Variants in DIAPH3 observed in about 807,000 individuals in gnomAD.
The protein encoded by DIAPH3 is diaphanous related formin 3.
Under a neutral mutation model 144.3 loss-of-function variants are expected in DIAPH3, and 117 were observed. The ratio of observed to expected loss-of-function variants is 0.81; its 90% CI spans 0.70 to 0.95. The LOEUF is 0.95. Ranked by LOEUF, DIAPH3 falls within the 40% of genes least tolerant of loss-of-function variation. The pLI, the probability that DIAPH3 is intolerant of heterozygous loss-of-function variation, is 0.00. For synonymous variants in DIAPH3, 519 were observed against 488.9 expected (o/e 1.06, Z -0.81); for missense variants, 1,421 against 1,412.7 (o/e 1.01, Z -0.09).
intron 21 of DIAPH3, among the ~76,000 whole-genome samples, chr13:59,872,099 G>C (rs988132502): frequency 2.0e-5 from 3 of 151,926 alleles, no homozygotes; most frequent in African/African-American, 4.8e-5. Context: ...GTATATATTA[G>C]TTCTTTGTCT....
intron 5 of DIAPH3, among the ~76,000 whole-genome samples, chr13:60,018,547 T>A (rs2141004643): frequency 6.6e-6 from 1 of 152,276 alleles, no homozygotes; most frequent in African/African-American, 2.4e-5. Flanking sequence ...ACTATATAAC[T>A]CTCTTCTAAA....
At chr13:59,829,042 A>G (rs1243852306) in intron 24 of DIAPH3, among the ~76,000 whole-genome samples, 1 of 151,960 alleles carries the variant, frequency 6.6e-6, no homozygotes, top group East Asian at 1.9e-4. Flanking sequence ...TTCCTTCTTT[A>G]GCTATTGTAA....
Position 60,125,394 on chromosome 13 carries a change from A to ATTTTTTTTTTTTTTTTTTTT in DIAPH3, c.213+7543_213+7562dup, listed in dbSNP as rs56267083. Among the ~76,000 whole-genome samples the ATTTTTTTTTTTTTTTTTTTT allele has an allele frequency of 2.4e-4, 23 of 97,866 alleles. 1 individual carries two copies. Among genetic ancestry groups the ATTTTTTTTTTTTTTTTTTTT allele is most frequent in the South Asian group, 1.4e-3 (4 of 2,876 alleles). 64.2% of individuals were successfully genotyped at this position (97,866 alleles called of 152,430 possible). Reference sequence around the variant, plus strand: ...ATCTGCATACCATCACACCCAGCTAATTTTTTTTTTTTTTTTTTTTTTTTT... The same window carrying ATTTTTTTTTTTTTTTTTTTT: ...ATCTGCATACCATCACACCCAGCTAATTTTTTTTTTTTTTTTTTTTTTTTTTTTTTTTTTTTTTTTTTTTT... On this transcript the variant is annotated intron_variant, in intron 2 of 27. Transcript: ENST00000400324.
chr13:60,106,405 TA>T (rs2058422884), intron 3 of DIAPH3, among the ~76,000 whole-genome samples: 1 of 152,108 alleles, frequency 6.6e-6, no homozygotes, highest in Non-Finnish European at 1.5e-5. Context: ...ACATCAGGCA[TA>T]GAGATATATA....
chr13:60,022,760 G>A (rs1425997979), intron 5 of DIAPH3, among the ~76,000 whole-genome samples: 1 of 152,166 alleles, frequency 6.6e-6, no homozygotes, highest in Non-Finnish European at 1.5e-5. Flanking sequence ...TCTGCAGAGT[G>A]TTAAGAATGT....
chr13:60,038,395 T>C (rs2055384426), intron 5 of DIAPH3, among the ~76,000 whole-genome samples: 1 of 152,066 alleles, frequency 6.6e-6, no homozygotes, highest in South Asian at 2.1e-4. Context: ...TTGTCACAAG[T>C]TTTTCTGTCT....
At chr13:60,119,386 G>A (rs1409217078) in intron 2 of DIAPH3, among the ~76,000 whole-genome samples, 1 of 152,086 alleles carries the variant, frequency 6.6e-6, no homozygotes, top group Non-Finnish European at 1.5e-5. Flanking sequence ...CAAACTCAAG[G>A]CAGAACCCAA....
intron 27 of DIAPH3, among the ~76,000 whole-genome samples, chr13:59,679,897 T>C (rs894905148): frequency 1.3e-5 from 2 of 152,212 alleles, no homozygotes; most frequent in East Asian, 1.9e-4. Flanking sequence ...AATATGTTAC[T>C]ATCAAATGGC....
intron 20 of DIAPH3, among the ~76,000 whole-genome samples, chr13:59,899,402 G>C (rs1309951221): frequency 6.6e-6 from 1 of 152,118 alleles, no homozygotes; most frequent in African/African-American, 2.4e-5. Context: ...TTCCACAAAG[G>C]ACCTGTGAAA....
At chr13:60,078,367 G>T (rs1402930805) in intron 4 of DIAPH3, among the ~76,000 whole-genome samples, 1 of 151,978 alleles carries the variant, frequency 6.6e-6, no homozygotes, top group Non-Finnish European at 1.5e-5. Context: ...AAGAAGGGCG[G>T]AACTAGTACA....
At chr13:59,669,637 CCTCT>C (rs1489124898) in intron 27 of DIAPH3, among the ~76,000 whole-genome samples, 4 of 152,110 alleles carry the variant, frequency 2.6e-5, no homozygotes, top group Non-Finnish European at 1.5e-5. Flanking sequence ...GCTGCTTTGC[CCTCT>C]CTCTGCTGCA....
At chr13:59,673,080 G>C (rs1351170532) in intron 27 of DIAPH3, among the ~76,000 whole-genome samples, 1 of 152,136 alleles carries the variant, frequency 6.6e-6, no homozygotes, top group Non-Finnish European at 1.5e-5. Flanking sequence ...ATTGAGTGTA[G>C]GGCTACAAGG....
chr13:60,106,300 T>C (rs995590680), intron 3 of DIAPH3, among the ~76,000 whole-genome samples: 2 of 152,106 alleles, frequency 1.3e-5, no homozygotes, highest in African/African-American at 2.4e-5. Context: ...ACTTGATCTA[T>C]AACATTAGAG....
chr13:60,006,856 C>T (rs1354052247), intron 9 of DIAPH3, among the ~76,000 whole-genome samples: 1 of 152,066 alleles, frequency 6.6e-6, no homozygotes, highest in African/African-American at 2.4e-5. Context: ...TCTAACAAGC[C>T]CAGAATGCAT....
intron 27 of DIAPH3, among the ~76,000 whole-genome samples, chr13:59,723,420 C>G (rs937966544): frequency 6.6e-6 from 1 of 151,942 alleles, no homozygotes; most frequent in East Asian, 1.9e-4. Context: ...GATGTTATAC[C>G]CCTGGCTAAT....
rs59114311 is a variant in DIAPH3 at position 59,905,342 on chromosome 13, CAAAAAAAA to C, written c.2367+6385_2367+6392del. Among the ~76,000 whole-genome samples the C allele has an allele frequency of 1.0e-3, 70 of 69,752 alleles. 1 individual carries two copies. In the South Asian group the frequency reaches 0.01, roughly 10 times the overall value. The allele number at this position is 69,752 out of a possible 152,430, so 45.8% of individuals were successfully genotyped here. Reference sequence around the variant, plus strand: ...TGGGCGACAGAGCGAGACTCTGTCTCAAAAAAAAAAAAAAAAAAAAAAAAAAAAGTGTA... The same window carrying C: ...TGGGCGACAGAGCGAGACTCTGTCTCAAAAAAAAAAAAAAAAAAAAGTGTA... On this transcript the variant is annotated intron_variant, in intron 20 of 27. Transcript: ENST00000400324.
intron 27 of DIAPH3, among the ~76,000 whole-genome samples, chr13:59,727,930 G>A (rs1356243635): frequency 6.6e-6 from 1 of 151,970 alleles, no homozygotes; most frequent in Admixed American, 6.6e-5. Flanking sequence ...CTGCAGCAGG[G>A]TTTAACAACA....
chr13:59,792,750 G>A (rs771136857), intron 25 of DIAPH3, among the ~76,000 whole-genome samples: 87 of 151,956 alleles, frequency 5.7e-4, no homozygotes, highest in Non-Finnish European at 6.6e-4. Flanking sequence ...GCATCACTTT[G>A]ACCATGGTTC....
At chr13:59,905,497 T>A (rs762807443) in intron 20 of DIAPH3, among the ~76,000 whole-genome samples, 12 of 152,176 alleles carry the variant, frequency 7.9e-5, no homozygotes, top group Non-Finnish European at 1.6e-4. Flanking sequence ...TCACTCTCAA[T>A]TTATTTAATC....
Sources: allele counts gnomAD v4.1 joint callset (sites outside exome capture counted in the v4.1 genomes callset), GRCh38; gene constraint gnomAD v4.1.1; transcripts MANE v1.5; gene names NCBI Gene and HGNC (gene_info 2026-07-23, HGNC 2026-07-21).